ZFAT: variants seen among roughly 807,000 people sequenced by gnomAD.
ZFAT encodes zinc finger and AT-hook domain containing.
ZFAT carries 64 observed loss-of-function variants against 117.7 expected under a neutral mutation model. The observed-to-expected ratio is 0.54, with a 90% CI of 0.44 to 0.67. ZFAT has a LOEUF of 0.67. Among genes scored for constraint, ZFAT ranks in the 30% least tolerant of loss-of-function variants. The pLI, the probability that ZFAT is intolerant of heterozygous loss-of-function variation, is 0.00. For missense variants in ZFAT, 1,433 were observed against 1,584.5 expected, an observed-to-expected ratio of 0.90 and a Z score of 1.62; for synonymous variants, 679 against 615.0, an observed-to-expected ratio of 1.10 and a Z score of -1.54.
chr8:134,531,856 C>T (rs1821442695), intron 12 of ZFAT, among the ~76,000 whole-genome samples: 1 of 152,242 alleles, frequency 6.6e-6, no homozygotes, highest in South Asian at 2.1e-4. Context: ...CATTTCATGG[C>T]TATTACAGCG....
At chr8:134,584,769 T>C (rs1323858317) in intron 9 of ZFAT, among the ~76,000 whole-genome samples, 1 of 150,578 alleles carries the variant, frequency 6.6e-6, no homozygotes, top group East Asian at 1.9e-4. Context: ...TGATGTGCTA[T>C]AGGGACAGGG....
At chr8:134,590,426 T>C in intron 7 of ZFAT, 71 bp from the exon 8 acceptor site, 1 of 1,146,878 alleles carries the variant, frequency 8.7e-7, no homozygotes, top group Admixed American at 1.9e-5. Context: ...ATAACCATCA[T>C]CATCACCATC....
chr8:134,682,931 G>A (rs778994208), intron 1 of ZFAT, among the ~76,000 whole-genome samples: 19 of 152,242 alleles, frequency 1.2e-4, no homozygotes, highest in Non-Finnish European at 2.4e-4. Context: ...AGAGGCTTTC[G>A]TACTCCCTCT....
At chr8:134,813,067 T>C in the ZFAT span, among the ~76,000 whole-genome samples, 1 of 152,208 alleles carries the variant, frequency 6.6e-6, no homozygotes, top group Non-Finnish European at 1.5e-5. Context: ...CAGCTTTATA[T>C]TTAACACAGC....
the ZFAT span, among the ~76,000 whole-genome samples, chr8:134,731,395 A>G: frequency 2.0e-5 from 3 of 152,262 alleles, no homozygotes; most frequent in Non-Finnish European, 4.4e-5. Flanking sequence ...TATTCACACA[A>G]TGGAATATTA....
intron 1 of ZFAT, among the ~76,000 whole-genome samples, chr8:134,708,455 A>C (rs1665078945): frequency 6.6e-6 from 1 of 152,138 alleles, no homozygotes; most frequent in Non-Finnish European, 1.5e-5. Flanking sequence ...ATATGTCGTT[A>C]CAGTTTTTTT....
chr8:134,494,267 C>A (rs1295550583), intron 15 of ZFAT, among the ~76,000 whole-genome samples: 1 of 152,220 alleles, frequency 6.6e-6, no homozygotes, highest in African/African-American at 2.4e-5. Context: ...GGAGTAGTTT[C>A]CTTTGTACAT....
the ZFAT span, among the ~76,000 whole-genome samples, chr8:134,744,975 C>T: frequency 1.3e-5 from 2 of 150,770 alleles, no homozygotes; most frequent in Non-Finnish European, 3.0e-5. Context: ...GTGATCCGCC[C>T]ACCTCGGCCT....
At chr8:134,716,146 TA>T (rs1351257586), upstream of ZFAT, among the ~76,000 whole-genome samples, 2 of 142,602 alleles carry the variant, frequency 1.4e-5, no homozygotes, top group Non-Finnish European at 3.1e-5. Flanking sequence ...AATTTATTTA[TA>T]TATATATATA....
At chr8:134,566,643 C>T (rs1453684961) in intron 10 of ZFAT, among the ~76,000 whole-genome samples, 1 of 152,198 alleles carries the variant, frequency 6.6e-6, no homozygotes, top group Non-Finnish European at 1.5e-5. Context: ...CACCCACAGC[C>T]ACTGTGGCTG....
chr8:134,481,975 A>T (rs1476797727), intron 15 of ZFAT, among the ~76,000 whole-genome samples: 1 of 152,046 alleles, frequency 6.6e-6, no homozygotes, highest in African/African-American at 2.4e-5. Flanking sequence ...CACTGGGCAG[A>T]GTCCCATTTT....
intron 3 of ZFAT, among the ~76,000 whole-genome samples, chr8:134,620,231 G>A (rs1194992137): frequency 6.6e-6 from 1 of 152,188 alleles, no homozygotes; most frequent in African/African-American, 2.4e-5. Context: ...TCTGAGCAGG[G>A]GCTTGGGCCC....
intron 14 of ZFAT, chr8:134,509,967 G>A: frequency 1.7e-6 from 1 of 582,310 alleles, no homozygotes; most frequent in Admixed American, 2.4e-5. Flanking sequence ...AAGCAACCCT[G>A]TGAGGATGGG....
chr8:134,651,129 T>C (rs1181164563), intron 2 of ZFAT, among the ~76,000 whole-genome samples: 2 of 152,230 alleles, frequency 1.3e-5, no homozygotes, highest in Admixed American at 1.3e-4. Context: ...TGACAGTCCT[T>C]GAAAAACTTA....
intron 10 of ZFAT, among the ~76,000 whole-genome samples, chr8:134,565,940 T>C (rs1824427746): frequency 6.6e-6 from 1 of 151,732 alleles, no homozygotes; most frequent in Non-Finnish European, 1.5e-5. Context: ...CACAAGGACC[T>C]CAGACATAAC....
At chr8:134,487,331 C>T (rs1001834348) in intron 15 of ZFAT, among the ~76,000 whole-genome samples, 6 of 152,174 alleles carry the variant, frequency 3.9e-5, no homozygotes, top group Admixed American at 2.6e-4. Context: ...AGGTAGGCCC[C>T]TCCCAGTTTA....
the ZFAT span, among the ~76,000 whole-genome samples, chr8:134,727,696 T>C: frequency 6.6e-6 from 1 of 152,150 alleles, no homozygotes; most frequent in South Asian, 2.1e-4. Context: ...GGGGAATCTT[T>C]TTCTGTAAAG....
chr8:134,489,130 T>C (rs1252320525), intron 15 of ZFAT, among the ~76,000 whole-genome samples: 2 of 151,850 alleles, frequency 1.3e-5, no homozygotes, highest in Non-Finnish European at 1.5e-5. Context: ...TGCCTCTCTA[T>C]TAGACAGCAG....
chr8:134,657,111 T>C (rs1010607493), intron 2 of ZFAT, among the ~76,000 whole-genome samples: 2 of 152,226 alleles, frequency 1.3e-5, no homozygotes, highest in Admixed American at 1.3e-4. Context: ...TTTTATCATG[T>C]TCTGTGTGCC....
Sources: allele counts gnomAD v4.1 joint callset (sites outside exome capture counted in the v4.1 genomes callset), GRCh38; gene constraint gnomAD v4.1.1; transcripts MANE v1.5; gene names NCBI Gene and HGNC (gene_info 2026-07-23, HGNC 2026-07-21).